SLC44A2: variants seen among roughly 807,000 people sequenced by gnomAD.
SLC44A2 encodes the protein solute carrier family 44 member 2 (CTL2 blood group).
In SLC44A2, 57 loss-of-function variants were observed where a neutral mutation model predicts 90.8. That is an observed-to-expected ratio of 0.63 (90% CI 0.51 to 0.78). The LOEUF is 0.78. Among genes scored for constraint, SLC44A2 ranks in the 30% least tolerant of loss-of-function variants. The pLI, the probability that SLC44A2 is intolerant of heterozygous loss-of-function variation, is 0.00. For synonymous variants in SLC44A2, 355 were observed against 360.7 expected, an observed-to-expected ratio of 0.98 and a Z score of 0.18; for missense variants, 794 against 919.7, an observed-to-expected ratio of 0.86 and a Z score of 1.77.
intron 10 of SLC44A2, among the ~76,000 whole-genome samples, chr19:10,633,330 A>T (rs2067017595): frequency 6.6e-6 from 1 of 150,940 alleles, no homozygotes. Context: ...TGCCCGGCTA[A>T]TTTTTTTTGT....
intron 7 of SLC44A2, 31 bp from the exon 8 acceptor site, chr19:10,631,595 C>G: frequency 6.2e-7 from 1 of 1,613,954 alleles, no homozygotes; most frequent in Non-Finnish European, 8.5e-7. Context: ...AGAGGCTCAG[C>G]CTGACTGGTG....
At chr19:10,627,435 G>A (rs2144845418) in intron 2 of SLC44A2, among the ~76,000 whole-genome samples, 1 of 152,168 alleles carries the variant, frequency 6.6e-6, no homozygotes, top group South Asian at 2.1e-4. Flanking sequence ...CAACTACTTG[G>A]GAAGCTGAGG....
intron 16 of SLC44A2, 192 bp from the exon 17 acceptor site, chr19:10,637,452 C>T (rs2067070060): frequency 1.7e-6 from 1 of 593,322 alleles, no homozygotes; most frequent in South Asian, 2.0e-5. Context: ...CACCCTGTCA[C>T]CCAGGCTGGA....
At chr19:10,639,274 C>G (rs1445540811) in intron 20 of SLC44A2, among the ~76,000 whole-genome samples, 1 of 152,178 alleles carries the variant, frequency 6.6e-6, no homozygotes, top group East Asian at 1.9e-4. Flanking sequence ...GTGTGTCAGG[C>G]ATCGAGGTGG....
chr19:10,621,429 T>G (rs552704221), upstream of SLC44A2, among the ~76,000 whole-genome samples: 515 of 142,300 alleles, frequency 3.6e-3, 9 homozygotes, highest in African/African-American at 0.012. Flanking sequence ...GGTGTTTTTT[T>G]TTTTTTTTTT....
rs978233133 is a variant in SLC44A2 at position 10,627,793 on chromosome 19, T to C, written c.158T>C (p.Ile53Thr). The C allele has an allele frequency of 3.7e-6, 6 of 1,614,004 alleles. No homozygotes were observed. The highest frequency in any genetic ancestry group is 4.5e-5 in the East Asian group (2 of 44,876). ...AIVGYVAVGI[I>T]AWTHGDPRKV... Reference sequence around the variant, plus strand: ...GTGGGCTACGTGGCTGTAGGCATCATAGGTGAGTAGAGAATGAGCAGGACT... The same window carrying C: ...GTGGGCTACGTGGCTGTAGGCATCACAGGTGAGTAGAGAATGAGCAGGACT... Residue 53 changes from isoleucine (I) to threonine (T), a missense_variant and splice_region_variant, in exon 3 of 22, where the codon ATA (isoleucine) becomes ACA (threonine). Ile to Thr is a moderately conservative substitution (Grantham distance 89). Around this residue, in one of 3 missense-constraint regions of SLC44A2, gnomAD observed 738 missense variants for 841.1 expected, o/e 0.88. Coordinates refer to ENST00000335757, the MANE Select transcript of SLC44A2 (RefSeq NM_020428.4).
chr19:10,615,199 G>A (rs1051344887), intron 1 of SLC44A2, among the ~76,000 whole-genome samples: 1 of 151,770 alleles, frequency 6.6e-6, no homozygotes. Context: ...GGGAGGCCAA[G>A]GCAGGTGGAT....
chr19:10,613,498 G>A (rs1243560676), intron 1 of SLC44A2, among the ~76,000 whole-genome samples: 1 of 152,090 alleles, frequency 6.6e-6, no homozygotes, highest in Non-Finnish European at 1.5e-5. Context: ...TAATCTGCCT[G>A]CCTTGACTTC....
upstream of SLC44A2, among the ~76,000 whole-genome samples, chr19:10,623,101 G>A (rs945441156): frequency 6.6e-6 from 1 of 152,062 alleles, no homozygotes; most frequent in African/African-American, 2.4e-5. Flanking sequence ...GGGAAGAGAA[G>A]AGGCCTGTGG....
chr19:10,633,734 G>A (rs998743981), intron 10 of SLC44A2, among the ~76,000 whole-genome samples: 2 of 152,240 alleles, frequency 1.3e-5, no homozygotes, highest in Non-Finnish European at 2.9e-5. Flanking sequence ...TGGGATTACA[G>A]GCGCAAGCCA....
At chr19:10,631,012 A>AG in intron 4 of SLC44A2, 45 bp from the exon 5 acceptor site, 1 of 1,545,304 alleles carries the variant, frequency 6.5e-7, no homozygotes. Context: ...TCTCAAAAAA[A>AG]AAAAAAAATC....
chr19:10,610,559 T>C (rs567277273), intron 1 of SLC44A2, among the ~76,000 whole-genome samples: 2 of 149,658 alleles, frequency 1.3e-5, no homozygotes, highest in South Asian at 4.2e-4. Flanking sequence ...GGTCTTGATC[T>C]CCTGACCTCG....
chr19:10,618,474 C>CTTTTT (rs3029799), intron 1 of SLC44A2, among the ~76,000 whole-genome samples: 2 of 87,364 alleles, frequency 2.3e-5, no homozygotes, highest in Admixed American at 1.4e-4. Context: ...TGCGCCCGGC[C>CTTTTT]TTTTTTTTTT....
chr19:10,640,081 T>C (rs977427957), intron 20 of SLC44A2, among the ~76,000 whole-genome samples: 1 of 141,856 alleles, frequency 7.0e-6, no homozygotes, highest in Non-Finnish European at 1.5e-5. Flanking sequence ...TAAGGTCCAC[T>C]GACTTTTTTT....
intron 1 of SLC44A2, among the ~76,000 whole-genome samples, chr19:10,606,548 C>T (rs1051051215): frequency 6.6e-6 from 1 of 152,100 alleles, no homozygotes; most frequent in Non-Finnish European, 1.5e-5. Context: ...CAGTGGCTCA[C>T]GCCTCTAATA....
chr19:10,607,856 C>T (rs1427016800), intron 1 of SLC44A2, among the ~76,000 whole-genome samples: 9 of 150,728 alleles, frequency 6.0e-5, no homozygotes, highest in African/African-American at 2.2e-4. Flanking sequence ...TGCCATTCTC[C>T]TGCCTCAGCC....
At chr19:10,641,094 A>G (rs1481478813) in intron 20 of SLC44A2, 2 of 233,432 alleles carry the variant, frequency 8.6e-6, no homozygotes, top group African/African-American at 1.7e-4. Context: ...CTCAGGAGGG[A>G]AAAAAAAAAG....
At chr19:10,640,786 C>G (rs557811368) in intron 20 of SLC44A2, among the ~76,000 whole-genome samples, 1 of 152,090 alleles carries the variant, frequency 6.6e-6, no homozygotes, top group South Asian at 2.1e-4. Flanking sequence ...GCTAGGAGGA[C>G]ATAAAATAGG....
Position 10,637,629 on chromosome 19 carries a change from T to C in SLC44A2, c.1592-15T>C, listed in dbSNP as rs746657805. On this transcript the variant is annotated splice_polypyrimidine_tract_variant and intron_variant, in intron 16 of 21. Coordinates refer to ENST00000335757, the MANE Select transcript of SLC44A2 (RefSeq NM_020428.4). ...GGTGTCCCCTCACTTCCACATCCCT[T>C]CCCTTCTCTTCCAGCTGCAGAGAAC... is the stretch of plus-strand genomic sequence containing the variant. 1.2e-6 allele frequency: 2 copies of C among 1,611,408 alleles called. No homozygotes were observed. The highest frequency in any genetic ancestry group is 1.7e-6 in the Non-Finnish European group (2 of 1,177,728).
Sources: gnomAD v4.1 joint callset for allele counts (sites outside exome capture counted in the v4.1 genomes callset) on GRCh38, gnomAD v4.1.1 for gene constraint, gnomAD v4.1.1 regional missense constraint, MANE v1.5 for transcripts, NCBI Gene and HGNC (gene_info 2026-07-23, HGNC 2026-07-21) for gene names.